Variants in HMGN5 observed in about 807,000 individuals in gnomAD.
HMGN5 encodes high mobility group nucleosome-binding domain-containing protein 5.
In HMGN5, 4 loss-of-function variants were observed where a neutral mutation model predicts 9.5. That is an observed-to-expected ratio of 0.42 (90% CI 0.21 to 0.96). HMGN5 has a LOEUF of 0.96. Among genes scored for constraint, HMGN5 ranks in the 40% least tolerant of loss-of-function variants. The pLI, the probability that HMGN5 is intolerant of heterozygous loss-of-function variation, is 0.30. For missense variants in HMGN5, 192 were observed against 187.5 expected (o/e 1.02, Z -0.14); for synonymous variants, 55 against 57.1 (o/e 0.96, Z 0.16).
In HMGN5 at chrX:81,177,940, C is replaced by T. The variant is rs775363681; in HGVS notation, c.-124+23797G>A. 2.7e-5 allele frequency among the ~76,000 whole-genome samples: 3 copies of T among 111,748 alleles called. No homozygotes were observed. In the South Asian group the frequency reaches 1.1e-3, roughly 42 times the overall value. Reference sequence around the variant, plus strand: ...GAAAACTGCACAGCTTCATGGAAACCGAACAACTTGCTCCTGAGTGACTAC... The same window carrying T: ...GAAAACTGCACAGCTTCATGGAAACTGAACAACTTGCTCCTGAGTGACTAC... On this transcript the variant is annotated intron_variant, in intron 1 of 6. Coordinates refer to ENST00000358130, the MANE Select transcript of HMGN5 (RefSeq NM_030763.3).
intron 1 of HMGN5, among the ~76,000 whole-genome samples, chrX:81,146,071 C>T (rs1345628508): frequency 1.8e-5 from 2 of 111,056 alleles, no homozygotes; most frequent in Non-Finnish European, 3.8e-5. Flanking sequence ...TAACACCCCG[C>T]TGTCAACAAT....
intron 1 of HMGN5, among the ~76,000 whole-genome samples, chrX:81,156,074 T>C (rs899334331): frequency 8.9e-6 from 1 of 111,967 alleles, no homozygotes; most frequent in Admixed American, 9.5e-5. Context: ...TCCATAGTTC[T>C]CTCAACAAAA....
At chrX:81,177,083 C>A (rs2075444195) in intron 1 of HMGN5, among the ~76,000 whole-genome samples, 1 of 110,021 alleles carries the variant, frequency 9.1e-6, no homozygotes, top group Admixed American at 9.8e-5. Context: ...ATCAGACTAA[C>A]AGCGGATCTC....
chrX:81,183,202 A>G (rs1300877521), intron 1 of HMGN5, among the ~76,000 whole-genome samples: 1 of 112,201 alleles, frequency 8.9e-6, no homozygotes, highest in East Asian at 2.8e-4. Context: ...AAAAAAGAAA[A>G]GGCCATTTTC....
At chrX:81,200,821 C>T (rs1336960853) in intron 1 of HMGN5, among the ~76,000 whole-genome samples, 1 of 110,716 alleles carries the variant, frequency 9.0e-6, no homozygotes, top group Non-Finnish European at 1.9e-5. Flanking sequence ...CAAACCTGCA[C>T]GTTGTGCACA....
chrX:81,116,251 C>G lies in HMGN5; in HGVS notation c.220G>C (p.Glu74Gln). The change falls in exon 6 of 7, where the codon GAA (glutamate) becomes CAA (glutamine). Residue 74 changes from glutamate (E) to glutamine (Q), a missense_variant. By Grantham distance (29) the Glu-to-Gln change is conservative. Transcript: ENST00000358130. ...AETKQEAVVEEDYNENAKNGE... is the reference protein window; with the variant it reads ...AETKQEAVVEQDYNENAKNGE... ...TTTTTAGCATTTTCATTGTAGTCTT[C>G]TTCAACAACTGCTTCTTGCTTGGTT... 1 of 1,196,185 alleles carries G rather than the reference C, an allele frequency of 8.4e-7. No individual in the cohort carries two copies. The highest frequency in any genetic ancestry group is 1.1e-6 in the Non-Finnish European group (1 of 882,067).
chrX:81,148,724 T>A (rs2075352630), intron 1 of HMGN5, among the ~76,000 whole-genome samples: 1 of 111,248 alleles, frequency 9.0e-6, no homozygotes, highest in African/African-American at 3.3e-5. Flanking sequence ...AATTTTGCAA[T>A]CTACTCATCT....
chrX:81,164,279 G>T (rs766695580), intron 1 of HMGN5, among the ~76,000 whole-genome samples: 1 of 111,747 alleles, frequency 8.9e-6, no homozygotes, highest in African/African-American at 3.2e-5. Flanking sequence ...GAGTAAAACT[G>T]AATCCAAGAT....
chrX:81,146,536 G>GAGAA (rs1370283550), intron 1 of HMGN5, among the ~76,000 whole-genome samples: 1 of 111,606 alleles, frequency 9.0e-6, no homozygotes, highest in East Asian at 2.8e-4. Context: ...ATGCTCACAA[G>GAGAA]AGAAAGAAAG....
intron 1 of HMGN5, among the ~76,000 whole-genome samples, chrX:81,149,157 T>C (rs1455348544): frequency 8.9e-6 from 1 of 111,772 alleles, no homozygotes; most frequent in African/African-American, 3.3e-5. Context: ...TAAATCATTC[T>C]ATTATAAAGA....
intron 1 of HMGN5, among the ~76,000 whole-genome samples, chrX:81,134,373 G>C (rs1205986486): frequency 9.0e-6 from 1 of 111,307 alleles, no homozygotes; most frequent in Non-Finnish European, 1.9e-5. Context: ...TTTGTGATGA[G>C]AGCTTCACAT....
chrX:81,128,146 T>C (rs933402063), intron 1 of HMGN5, among the ~76,000 whole-genome samples: 1 of 111,197 alleles, frequency 9.0e-6, no homozygotes, highest in Non-Finnish European at 1.9e-5. Context: ...TCTTTTTTGT[T>C]TGTTTATTTC....
chrX:81,161,664 G>A (rs1290140506), intron 1 of HMGN5, among the ~76,000 whole-genome samples: 1 of 110,757 alleles, frequency 9.0e-6, no homozygotes, highest in Non-Finnish European at 1.9e-5. Context: ...CCTTAAAGGG[G>A]CTGTTGGTGA....
chrX:81,118,479 C>A lies in HMGN5; in HGVS notation c.82G>T (p.Val28Leu). 1 of 1,172,953 alleles carries A rather than the reference C, an allele frequency of 8.5e-7. No homozygotes were observed. The highest frequency in any genetic ancestry group is 1.9e-5 in the South Asian group (1 of 52,119). ...GGCTTCACCTCTGGTGTAACTGGCA[C>A]AAGCATCTGCTTCAAGTTGTGGGAA... ...RRSARLSAML[V>L]PVTPEVKPKR... The change falls in exon 5 of 7, where the codon GTG becomes TTG. Residue 28 changes from valine to leucine, a missense_variant. Physicochemically the swap from Val to Leu is conservative, Grantham distance 32 (BLOSUM62 1). Coordinates refer to ENST00000358130, the MANE Select transcript of HMGN5 (RefSeq NM_030763.3).
chrX:81,193,411 A>G (rs2075499494), intron 1 of HMGN5, among the ~76,000 whole-genome samples: 2 of 112,502 alleles, frequency 1.8e-5, no homozygotes, highest in Admixed American at 9.5e-5. Flanking sequence ...GCCTGCAGCC[A>G]TCAAGTGACT....
At chrX:81,177,576 G>T (rs983406325) in intron 1 of HMGN5, among the ~76,000 whole-genome samples, 1 of 109,249 alleles carries the variant, frequency 9.2e-6, no homozygotes, top group Admixed American at 9.9e-5. Context: ...AGTCCTTAGA[G>T]ACCTACAAAG....
intron 1 of HMGN5, among the ~76,000 whole-genome samples, chrX:81,181,045 G>C (rs1179661885): frequency 9.1e-6 from 1 of 110,225 alleles, no homozygotes; most frequent in Non-Finnish European, 1.9e-5. Context: ...ACAGGGGCCT[G>C]TCAGGGGTGG....
chrX:81,183,993 T>C (rs959333402), intron 1 of HMGN5, among the ~76,000 whole-genome samples: 1 of 111,990 alleles, frequency 8.9e-6, no homozygotes, highest in African/African-American at 3.2e-5. Context: ...GAGTTAATGC[T>C]GGAATGAGTT....
intron 1 of HMGN5, among the ~76,000 whole-genome samples, chrX:81,135,989 T>A (rs1003996396): frequency 9.0e-6 from 1 of 111,303 alleles, no homozygotes; most frequent in East Asian, 2.8e-4. Context: ...TCCTCTCTCT[T>A]AGCACATAAC....
Sources: allele counts gnomAD v4.1 joint callset (sites outside exome capture counted in the v4.1 genomes callset), GRCh38; gene constraint gnomAD v4.1.1; transcripts MANE v1.5; gene names NCBI Gene and HGNC (gene_info 2026-07-23, HGNC 2026-07-21).